The following SLC37A1 variants were observed in gnomAD, a reference collection of about 807,000 sequenced individuals.
SLC37A1 encodes the protein glucose-6-phosphate exchanger SLC37A1.
SLC37A1 carries 49 observed loss-of-function variants against 75.3 expected under a neutral mutation model. That is an observed-to-expected ratio of 0.65 (90% CI 0.52 to 0.83). SLC37A1 has a LOEUF of 0.83. SLC37A1 is among the 40% of genes least tolerant of loss of function. The probability of loss-of-function intolerance (pLI) is 0.00; values close to 1 mark genes in which losing one functional copy is unlikely to be tolerated. For missense variants in SLC37A1, 566 were observed against 695.0 expected (o/e 0.81, Z 2.09); for synonymous variants, 268 against 292.1 (o/e 0.92, Z 0.84).
chr21:42,561,883 G>T (rs751762891), intron 11 of SLC37A1, 195 bp from the exon 12 acceptor site: 118 of 556,926 alleles, frequency 2.1e-4, no homozygotes, highest in Non-Finnish European at 3.5e-4. Flanking sequence ...CGGGGTGAGC[G>T]CTCCACTGTT....
intron 4 of SLC37A1, among the ~76,000 whole-genome samples, 195 bp downstream of exon 4, chr21:42,535,025 A>G (rs937724307): frequency 6.6e-6 from 1 of 152,260 alleles, no homozygotes; most frequent in African/African-American, 2.4e-5. Context: ...TCCTGAAAGA[A>G]GGTTCTCTTT....
At chr21:42,507,343 G>A (rs2054393091) in intron 2 of SLC37A1, among the ~76,000 whole-genome samples, 1 of 152,208 alleles carries the variant, frequency 6.6e-6, no homozygotes, top group Non-Finnish European at 1.5e-5. Flanking sequence ...CCTTCTGATG[G>A]CCACAGTGAG....
rs1306924769 is a variant in SLC37A1, at chr21:42,545,019, C to T, written c.730+1417C>T. On this transcript the variant is annotated intron_variant, in intron 8 of 19. Transcript: ENST00000352133. The surrounding 1 kb of genome is among the most constrained non-coding windows in gnomAD (Gnocchi z 4.0). ...AAGGGAAAGGAGCTTGCTCAATGGC[C>T]GGGACCTCAGCACCCGCTCCAGGCA... is the stretch of plus-strand genomic sequence containing the variant. 2.6e-5 allele frequency among the ~76,000 whole-genome samples: 4 copies of T among 152,148 alleles called. No individual in the cohort carries two copies. The highest frequency in any genetic ancestry group is 2.6e-4 in the Admixed American group (4 of 15,290).
chr21:42,544,613 T>G (rs2055361477), intron 8 of SLC37A1, among the ~76,000 whole-genome samples: 1 of 152,176 alleles, frequency 6.6e-6, no homozygotes, highest in Non-Finnish European at 1.5e-5. Flanking sequence ...CCGCTCCCCT[T>G]TCCCCGCTTC....
intron 10 of SLC37A1, among the ~76,000 whole-genome samples, chr21:42,558,395 G>T (rs868589274): frequency 6.6e-6 from 1 of 152,182 alleles, no homozygotes; most frequent in Non-Finnish European, 1.5e-5. Context: ...TTAGCATTTC[G>T]ATAAAAATTA....
At chr21:42,579,634 C>A in intron 18 of SLC37A1, 102 bp from the exon 19 acceptor site, 1 of 964,638 alleles carries the variant, frequency 1.0e-6, no homozygotes, top group Non-Finnish European at 1.4e-6. Flanking sequence ...GGGAGAGAGC[C>A]ACCCGCCCAG....
intron 7 of SLC37A1, among the ~76,000 whole-genome samples, chr21:42,542,919 A>G (rs995069816): frequency 6.6e-6 from 1 of 152,276 alleles, no homozygotes; most frequent in Non-Finnish European, 1.5e-5. Flanking sequence ...TATTTTATAC[A>G]GATAAAATTT....
At chr21:42,565,743 C>G in intron 14 of SLC37A1, 84 bp from the exon 15 acceptor site, 1 of 1,308,666 alleles carries the variant, frequency 7.6e-7, no homozygotes, top group Non-Finnish European at 1.1e-6. Context: ...AATCACCCGC[C>G]GGGTTTTTGA....
chr21:42,541,276 G>A (rs769702366), intron 6 of SLC37A1, among the ~76,000 whole-genome samples: 2 of 152,212 alleles, frequency 1.3e-5, no homozygotes, highest in African/African-American at 2.4e-5. Context: ...TGTGTGGCCC[G>A]GTTCCTAATA....
chr21:42,549,976 T>G (rs530542098), intron 9 of SLC37A1, among the ~76,000 whole-genome samples: 1 of 152,352 alleles, frequency 6.6e-6, no homozygotes, highest in South Asian at 2.1e-4. Context: ...CAACGCCCCT[T>G]CTAATACTAT....
chr21:42,503,425 AT>A (rs111367362), intron 2 of SLC37A1, among the ~76,000 whole-genome samples: 1 of 150,726 alleles, frequency 6.6e-6, no homozygotes, highest in Non-Finnish European at 1.5e-5. Context: ...GATTTTTTGT[AT>A]TTTTTTTGTA....
intron 3 of SLC37A1, among the ~76,000 whole-genome samples, chr21:42,534,182 T>C (rs73227564): frequency 0.059 from 8,917 of 152,274 alleles, 314 homozygotes; most frequent in Middle Eastern, 0.11. Flanking sequence ...TTGGACTTCC[T>C]ATGAGTGGAA....
At chr21:42,523,648 G>C (rs151333252) in intron 2 of SLC37A1, among the ~76,000 whole-genome samples, 1 of 152,360 alleles carries the variant, frequency 6.6e-6, no homozygotes, top group East Asian at 1.9e-4. Flanking sequence ...TGATAGGCTC[G>C]CCTTTTAGGG....
At chr21:42,544,288 C>G (rs2055354454) in intron 8 of SLC37A1, among the ~76,000 whole-genome samples, 1 of 152,188 alleles carries the variant, frequency 6.6e-6, no homozygotes, top group African/African-American at 2.4e-5. Context: ...AACCATATGG[C>G]AGGAGACAGC....
chr21:42,577,347 AATC>A (rs2056330201), intron 18 of SLC37A1, among the ~76,000 whole-genome samples: 1 of 152,272 alleles, frequency 6.6e-6, no homozygotes, highest in South Asian at 2.1e-4. Flanking sequence ...GTCTTTAAAA[AATC>A]AACAAAAGAA....
intron 17 of SLC37A1, among the ~76,000 whole-genome samples, chr21:42,571,815 TCTTTTTCA>T (rs2056177516): frequency 6.6e-6 from 1 of 152,178 alleles, no homozygotes; most frequent in Non-Finnish European, 1.5e-5. Flanking sequence ...TCTCTTTTCC[TCTTTTTCA>T]CATTTCCGAC....
chr21:42,556,153 G>A (rs919184702), intron 10 of SLC37A1, among the ~76,000 whole-genome samples: 7 of 152,350 alleles, frequency 4.6e-5, no homozygotes, highest in East Asian at 1.9e-4. Flanking sequence ...AGAATGAGGC[G>A]CTGCTGTCAC....
chr21:42,573,304 C>A (rs993109317), intron 17 of SLC37A1, among the ~76,000 whole-genome samples: 1 of 149,530 alleles, frequency 6.7e-6, no homozygotes, highest in South Asian at 2.1e-4. Flanking sequence ...CTTGCTGACC[C>A]CCTTCCGTTC....
At position 42,568,035 on chromosome 21, in the gene SLC37A1, G is replaced by A. The variant is rs759060974; in HGVS notation, c.1345-325G>A. ...GGCCGGCGCAGCTCAGGGCAGGGGC[G>A]CGCGTTGCGCACCTTCACGCCTCTC... On this transcript the variant is annotated intron_variant, in intron 16 of 19. Coordinates refer to ENST00000352133, the MANE Select transcript of SLC37A1 (RefSeq NM_001320537.2). 1.2e-4 allele frequency among the ~76,000 whole-genome samples: 18 copies of A among 152,262 alleles called. No homozygotes were observed. In the East Asian group the frequency reaches 2.1e-3, roughly 18 times the overall value.
Sources: gnomAD v4.1 joint callset for allele counts (sites outside exome capture counted in the v4.1 genomes callset) on GRCh38, gnomAD v4.1.1 for gene constraint, Gnocchi (gnomAD v3.1) non-coding constraint, MANE v1.5 for transcripts, NCBI Gene and HGNC (gene_info 2026-07-23, HGNC 2026-07-21) for gene names.